Variants in ANXA2 observed in about 807,000 individuals in gnomAD.
ANXA2 encodes the protein annexin A2.
In ANXA2, 28 loss-of-function variants were observed where a neutral mutation model predicts 47.3. The observed-to-expected ratio is 0.59, with a 90% CI of 0.44 to 0.81. ANXA2 has a LOEUF of 0.81. ANXA2 is among the 40% of genes least tolerant of loss of function. ANXA2 has a pLI of 0.00. For synonymous variants in ANXA2, 172 were observed against 155.5 expected (o/e 1.11, Z -0.79); for missense variants, 384 against 414.3 (o/e 0.93, Z 0.64).
chr15:60,347,529 A>G lies in ANXA2; in HGVS notation c.*101T>C. 3 of 1,173,606 alleles carry G rather than the reference A, an allele frequency of 2.6e-6. No homozygotes were observed. Among genetic ancestry groups the G allele is most frequent in the South Asian group, 1.3e-5 (1 of 79,806 alleles). The allele number at this position is 1,173,606 out of a possible 1,614,324, so 72.7% of individuals were successfully genotyped here. A position where few individuals can be genotyped will look rare whatever the true frequency, so the allele number is the denominator to read the frequency against. On this transcript the variant is annotated 3_prime_UTR_variant, in exon 13 of 13. Transcript: ENST00000451270. ...GGGGTAATGCTAACGTCACCCTCAC[A>G]GGGATGGCCACGGGGACTGTTATTC...
At chr15:60,367,027 G>GA (rs1179602252) in intron 3 of ANXA2, among the ~76,000 whole-genome samples, 1 of 77,390 alleles carries the variant, frequency 1.3e-5, no homozygotes, top group Non-Finnish European at 2.6e-5. Context: ...GAGGTGGGGG[G>GA]TCAGCCCCCC....
intron 10 of ANXA2, 191 bp downstream of exon 10, chr15:60,351,533 A>T (rs903083324): frequency 8.0e-6 from 5 of 622,816 alleles, no homozygotes; most frequent in African/African-American, 1.8e-5. Context: ...CCTCCCTGGC[A>T]ACAATCTGTT....
intron 1 of ANXA2, chr15:60,394,841 G>C (rs1048689194): frequency 2.0e-5 from 3 of 152,178 alleles, no homozygotes; most frequent in African/African-American, 7.2e-5. Context: ...GGAGAAAGTA[G>C]ATGAGGACTG....
At chr15:60,357,325 A>AGACCCAATCCATGTT in intron 5 of ANXA2, 89 bp from the exon 6 acceptor site, 1 of 1,077,218 alleles carries the variant, frequency 9.3e-7, no homozygotes, top group Non-Finnish European at 1.4e-6. Context: ...AATTGCAAAC[A>AGACCCAATCCATGTT]TGGATTGGGT....
At chr15:60,391,064 G>C (rs1054688569) in intron 1 of ANXA2, 6 of 152,266 alleles carry the variant, frequency 3.9e-5, no homozygotes, top group African/African-American at 1.4e-4. Flanking sequence ...GGATACAAAA[G>C]ACACTTATAA....
intron 2 of ANXA2, 160 bp downstream of exon 2, chr15:60,385,868 C>G (rs1595705249): frequency 1.9e-6 from 1 of 528,424 alleles, no homozygotes; most frequent in East Asian, 3.2e-5. Flanking sequence ...TCAAATTGAA[C>G]TACTAGGAAC....
intron 3 of ANXA2, among the ~76,000 whole-genome samples, chr15:60,376,314 G>A (rs564215082): frequency 5.3e-5 from 8 of 152,034 alleles, no homozygotes; most frequent in South Asian, 4.2e-4. Context: ...CCCGGGAGGC[G>A]AGGTTGCAGT....
Position 60,382,333 on chromosome 15 carries a change from A to G in ANXA2, c.148+9T>C, listed in dbSNP as rs369181449. 28 of 1,607,232 alleles carry G rather than the reference A, an allele frequency of 1.7e-5. No individual in the cohort carries two copies. Among genetic ancestry groups the G allele is most frequent in the Middle Eastern group, 1.6e-4 (1 of 6,072 alleles). On this transcript the variant is annotated intron_variant, in intron 3 of 12. Transcript: ENST00000451270. ...ACCCTGACAAGAAGAGGACAAATGT[A>G]TCACCTACCTTTGGTCTTGATGGCT...
Position 60,393,146 on chromosome 15 carries a change from G to C in ANXA2, c.-12+4797C>G, listed in dbSNP as rs969427107. ...TCCTGGAATTCGGCCCAGTGACCTC[G>C]ATCAAACTGAGCAGGAGGGACACAC... On this transcript the variant is annotated intron_variant, in intron 1 of 12. Coordinates refer to ENST00000451270, the MANE Select transcript of ANXA2 (RefSeq NM_004039.3). 12 of 1,276,918 alleles carry C rather than the reference G, an allele frequency of 9.4e-6. No individual in the cohort carries two copies. In the Admixed American group the frequency reaches 9.5e-5, roughly 10 times the overall value. 79.1% of individuals were successfully genotyped at this position (1,276,918 alleles called of 1,614,324 possible). A position where few individuals can be genotyped will look rare whatever the true frequency, so the allele number is the denominator to read the frequency against.
At position 60,378,921 on chromosome 15, in the gene ANXA2, G is replaced by T. The variant is rs1595696759; in HGVS notation, c.148+3421C>A. The stretch of plus-strand genomic sequence containing the variant: ...GCAGAGGTTGCAGTGAGCCGAGATT[G>T]TGCCACTGCACTCCAGCCTGGTGAC... On this transcript the variant is annotated intron_variant, in intron 3 of 12. Transcript: ENST00000451270. Among the ~76,000 whole-genome samples, 3 of 151,118 alleles carry T rather than the reference G, an allele frequency of 2.0e-5. No homozygotes were observed. The South Asian group carries it at 6.3e-4, about 32-fold the overall frequency.
chr15:60,384,904 A>C (rs2062911816), intron 2 of ANXA2: 1 of 152,242 alleles, frequency 6.6e-6, no homozygotes, highest in South Asian at 2.1e-4. Flanking sequence ...TATGGCTACA[A>C]ACCAGTATCA....
chr15:60,367,606 G>A, intron 3 of ANXA2, among the ~76,000 whole-genome samples: 1 of 75,948 alleles, frequency 1.3e-5, no homozygotes, highest in East Asian at 3.6e-4. Context: ...TATCCAGGAG[G>A]TGAGGGGCGC....
intron 10 of ANXA2, 118 bp from the exon 11 acceptor site, chr15:60,351,369 G>C: frequency 9.8e-7 from 1 of 1,019,162 alleles, no homozygotes; most frequent in Non-Finnish European, 1.5e-6. Context: ...AATGGAAAAG[G>C]GCTGCAAAAT....
chr15:60,372,993 C>T (rs1340375202), intron 3 of ANXA2, among the ~76,000 whole-genome samples: 1 of 152,192 alleles, frequency 6.6e-6, no homozygotes, highest in East Asian at 1.9e-4. Context: ...TTTCTCAACA[C>T]TTACCAACAT....
chr15:60,375,711 T>G (rs2062767008), intron 3 of ANXA2, among the ~76,000 whole-genome samples: 1 of 152,190 alleles, frequency 6.6e-6, no homozygotes, highest in African/African-American at 2.4e-5. Context: ...CTGCATTTGG[T>G]TTAGGCAGCA....
intron 1 of ANXA2, among the ~76,000 whole-genome samples, chr15:60,394,103 C>A (rs1156716956): frequency 6.6e-6 from 1 of 152,154 alleles, no homozygotes; most frequent in Non-Finnish European, 1.5e-5. Context: ...CCATGCCCCC[C>A]ACCTCTGTGC....
intron 3 of ANXA2, among the ~76,000 whole-genome samples, chr15:60,364,867 G>C (rs75032486): frequency 0.016 from 2,494 of 151,366 alleles, 166 homozygotes; most frequent in Admixed American, 0.13. Flanking sequence ...AGATTTAGTA[G>C]GATTTTAAAT....
At chr15:60,376,053 T>C (rs2062772233) in intron 3 of ANXA2, among the ~76,000 whole-genome samples, 2 of 152,046 alleles carry the variant, frequency 1.3e-5, no homozygotes, top group Admixed American at 1.3e-4. Context: ...AGATACTCTG[T>C]AAAGGCTGAA....
chr15:60,368,405 A>T (rs973019023), intron 3 of ANXA2, among the ~76,000 whole-genome samples: 1 of 152,092 alleles, frequency 6.6e-6, no homozygotes, highest in African/African-American at 2.4e-5. Flanking sequence ...AGCATTGTAT[A>T]CAATATTGAA....
Sources: allele counts gnomAD v4.1 joint callset (sites outside exome capture counted in the v4.1 genomes callset), GRCh38; gene constraint gnomAD v4.1.1; transcripts MANE v1.5; gene names NCBI Gene and HGNC (gene_info 2026-07-23, HGNC 2026-07-21).